The following PKHD1L1 variants were observed in gnomAD, a reference collection of about 807,000 sequenced individuals.
PKHD1L1 encodes the protein fibrocystin-L.
In PKHD1L1, 434 loss-of-function variants were observed where a neutral mutation model predicts 462.9. The observed-to-expected ratio is 0.94, with a 90% confidence interval of 0.87 to 1.02. The LOEUF is 1.02. PKHD1L1 is among the 50% of genes least tolerant of loss of function. PKHD1L1 has a pLI of 0.00. For missense variants in PKHD1L1, 5,202 were observed against 5,096.1 expected, an observed-to-expected ratio of 1.02 and a Z score of -0.63; for synonymous variants, 1,781 against 1,750.0, an observed-to-expected ratio of 1.02 and a Z score of -0.44.
chr8:109,464,960 G>A lies in PKHD1L1; in HGVS notation c.8128G>A (p.Val2710Ile). 3.7e-6 allele frequency: 6 copies of A among 1,613,822 alleles called. No homozygotes were observed. The highest frequency in any genetic ancestry group is 5.1e-6 in the Non-Finnish European group (6 of 1,179,822). ...AGCGGTGATTAAAAATGCCAAAATA[G>A]TCGGCCATCTTGATGAACTGGGAAT... Reference protein sequence around the residue: ...NGAVIKNAKIVGHLDELGMGS... With the variant: ...NGAVIKNAKIIGHLDELGMGS... Residue 2710 changes from valine (V) to isoleucine (I), a missense_variant, in exon 49 of 78, where the codon GTC becomes ATC. Physicochemically the swap from Val to Ile is conservative, Grantham distance 29 (BLOSUM62 3). Transcript: ENST00000378402.
intron 22 of PKHD1L1, 28 bp from the exon 23 acceptor site, chr8:109,420,490 A>G: frequency 7.0e-7 from 1 of 1,437,142 alleles, no homozygotes; most frequent in South Asian, 1.5e-5. Flanking sequence ...TTTTACACCA[A>G]CCTAATATTT....
rs74717464 is a variant in PKHD1L1 at position 109,448,235 on chromosome 8, G to A, written c.5869G>A (p.Val1957Ile). ...GATGATAAATAACATTCAGTGTAATGTAACCATGGCCAATGATAGTGTGGT... is the reference window on the plus strand; with the variant it reads ...GATGATAAATAACATTCAGTGTAATATAACCATGGCCAATGATAGTGTGGT... ...SVMINNIQCN[V>I]TMANDSVVQC... The change falls in exon 39 of 78, where the codon GTA becomes ATA. Residue 1957 changes from valine (V) to isoleucine (I), a missense_variant. By Grantham distance (29) the Val-to-Ile change is conservative. Coordinates refer to ENST00000378402, the MANE Select transcript of PKHD1L1 (RefSeq NM_177531.6). 1.8e-3 allele frequency: 2,952 copies of A among 1,613,190 alleles called. 47 individuals carry two copies. In the African/African-American group the frequency reaches 0.033, roughly 18 times the overall value.
At chr8:109,515,392 C>T in intron 72 of PKHD1L1, 87 bp downstream of exon 72, 4 of 1,103,086 alleles carry the variant, frequency 3.6e-6, no homozygotes, top group African/African-American at 1.7e-5. Context: ...TTTTTAATTC[C>T]TTATCTATCA....
At chr8:109,433,068 C>A in intron 27 of PKHD1L1, 38 bp from the exon 28 acceptor site, 1 of 1,396,500 alleles carries the variant, frequency 7.2e-7, no homozygotes, top group Non-Finnish European at 1.0e-6. Context: ...TTTTATTTTT[C>A]TAACTTTAAT....
chr8:109,533,324 G>C lies in PKHD1L1; in HGVS notation c.*3234G>C, dbSNP rs1821081227. On this transcript the variant is annotated 3_prime_UTR_variant, in exon 78 of 78. Transcript: ENST00000378402. ...TATCATATATATGACATGTAACACA[G>C]TGCCTAACAGGCGGTAAAATGATAG... Among the ~76,000 whole-genome samples, 1 of 152,202 alleles carries C rather than the reference G, an allele frequency of 6.6e-6. No homozygotes were observed.
chr8:109,524,877 CCTCT>C (rs1820738316), intron 76 of PKHD1L1, among the ~76,000 whole-genome samples: 1 of 150,386 alleles, frequency 6.6e-6, no homozygotes, highest in African/African-American at 2.5e-5. Context: ...CCCCCTCTGT[CCTCT>C]CTGTTACCCT....
At chr8:109,388,729 G>T (rs962711629) in intron 7 of PKHD1L1, among the ~76,000 whole-genome samples, 179 bp downstream of exon 7, 16 of 152,014 alleles carry the variant, frequency 1.1e-4, no homozygotes, top group Non-Finnish European at 2.4e-4. Flanking sequence ...CTTACAGTTA[G>T]GTCTCCAAGA....
intron 50 of PKHD1L1, chr8:109,470,782 C>T (rs1432088467): frequency 1.3e-6 from 2 of 1,524,064 alleles, no homozygotes; most frequent in Non-Finnish European, 1.8e-6. Context: ...TTTCATAAAT[C>T]AGTTTTGTGA....
In PKHD1L1 at chr8:109,449,857, C is replaced by T. The variant is rs528399340; in HGVS notation, c.6175+370C>T. Reference sequence around the variant, plus strand: ...TCAACGCCGATAGTGCATTGCTAAACTCAAACCCTACTTGTGTCACTGAAT... The same window carrying T: ...TCAACGCCGATAGTGCATTGCTAAATTCAAACCCTACTTGTGTCACTGAAT... On this transcript the variant is annotated intron_variant, in intron 40 of 77. Coordinates refer to ENST00000378402, the MANE Select transcript of PKHD1L1 (RefSeq NM_177531.6). 2.6e-5 allele frequency among the ~76,000 whole-genome samples: 4 copies of T among 152,258 alleles called. No individual in the cohort carries two copies. In the South Asian group the frequency reaches 8.3e-4, roughly 32 times the overall value.
In PKHD1L1 at chr8:109,477,254, C is replaced by A; in HGVS notation, c.8947C>A (p.Gln2983Lys). 1 of 1,613,194 alleles carries A rather than the reference C, an allele frequency of 6.2e-7. No homozygotes were observed. Among genetic ancestry groups the A allele is most frequent in the Non-Finnish European group, 8.5e-7 (1 of 1,179,526 alleles). Residue 2983 changes from glutamine to lysine, a missense_variant, in exon 53 of 78, where the codon CAG becomes AAG. Gln to Lys is a moderately conservative substitution (Grantham distance 53). Coordinates refer to ENST00000378402, the MANE Select transcript of PKHD1L1 (RefSeq NM_177531.6). ...VSGRNDLHQS[Q>K]LISGNLDPDV... is the part of the protein sequence containing the mutation. The stretch of plus-strand genomic sequence containing the variant: ...AGGAAGAAATGACCTTCATCAGAGT[C>A]AGCTCATTTCTGGGAACCTGGATCC...
At chr8:109,444,238 G>A (rs1313557935) in intron 37 of PKHD1L1, among the ~76,000 whole-genome samples, 2 of 151,742 alleles carry the variant, frequency 1.3e-5, no homozygotes, top group Admixed American at 1.3e-4. Flanking sequence ...GACATTTCTT[G>A]TAAATAGAAT....
chr8:109,372,297 T>C (rs532758966), intron 2 of PKHD1L1, among the ~76,000 whole-genome samples: 9 of 152,324 alleles, frequency 5.9e-5, no homozygotes, highest in South Asian at 2.1e-4. Context: ...AAGATTTGGC[T>C]CTCTGTTTGT....
intron 26 of PKHD1L1, among the ~76,000 whole-genome samples, 196 bp downstream of exon 26, chr8:109,429,658 T>C (rs1024654700): frequency 1.3e-5 from 2 of 152,098 alleles, no homozygotes; most frequent in Non-Finnish European, 2.9e-5. Flanking sequence ...AAATAGTAGA[T>C]TTTTTTAGCT....
intron 2 of PKHD1L1, among the ~76,000 whole-genome samples, chr8:109,371,043 C>A (rs980176089): frequency 6.6e-6 from 1 of 151,676 alleles, no homozygotes; most frequent in Admixed American, 6.6e-5. Context: ...ATGGCTGGAT[C>A]AAATTTCTAG....
At chr8:109,470,186 T>C (rs565018169) in intron 50 of PKHD1L1, 1 of 792,276 alleles carries the variant, frequency 1.3e-6, no homozygotes, top group African/African-American at 1.7e-5. Context: ...GAAAAGTATC[T>C]GGAGGATCCT....
chr8:109,525,051 A>C (rs1188753451), intron 76 of PKHD1L1, among the ~76,000 whole-genome samples: 1 of 152,208 alleles, frequency 6.6e-6, no homozygotes, highest in Admixed American at 6.5e-5. Flanking sequence ...TTAGAATAAC[A>C]ACAAAGCATT....
At chr8:109,381,710 A>G (rs184400287) in intron 3 of PKHD1L1, among the ~76,000 whole-genome samples, 196 bp downstream of exon 3, 1 of 152,252 alleles carries the variant, frequency 6.6e-6, no homozygotes, top group East Asian at 1.9e-4. Flanking sequence ...TGGCATGATA[A>G]CAACATATTC....
At chr8:109,436,277 C>T (rs1815402221) in intron 29 of PKHD1L1, 61 bp from the exon 30 acceptor site, 2 of 1,519,352 alleles carry the variant, frequency 1.3e-6, no homozygotes, top group Admixed American at 1.9e-5. Context: ...ATGTTACTAA[C>T]ATTTCTTTTT....
chr8:109,388,217 T>C (rs561694510), intron 6 of PKHD1L1, among the ~76,000 whole-genome samples: 2 of 152,316 alleles, frequency 1.3e-5, no homozygotes, highest in African/African-American at 4.8e-5. Context: ...AAATATGTTA[T>C]GATTATCATG....
Sources: allele counts gnomAD v4.1 joint callset (sites outside exome capture counted in the v4.1 genomes callset), GRCh38; gene constraint gnomAD v4.1.1; transcripts MANE v1.5; gene names NCBI Gene and HGNC (gene_info 2026-07-23, HGNC 2026-07-21).